Variants in NCAM1 observed in about 807,000 individuals in gnomAD.
NCAM1 encodes the protein antigen recognized by monoclonal antibody 5.1H11.
A neutral mutation model predicts 109.8 loss-of-function variants in NCAM1; 14 were observed. The observed-to-expected ratio is 0.13, with a 90% CI of 0.08 to 0.20. The LOEUF is 0.20. Ranked by LOEUF, NCAM1 falls within the 10% of genes least tolerant of loss-of-function variation. The probability of loss-of-function intolerance (pLI) is 1.00; values close to 1 mark genes in which losing one functional copy is unlikely to be tolerated. For missense variants in NCAM1, 774 were observed against 1,109.9 expected (o/e 0.70, Z 4.30); for synonymous variants, 418 against 442.9 (o/e 0.94, Z 0.70).
At chr11:113,005,854 G>T (rs1349174794) in intron 1 of NCAM1, among the ~76,000 whole-genome samples, 1 of 152,192 alleles carries the variant, frequency 6.6e-6, no homozygotes, top group Admixed American at 6.5e-5. Flanking sequence ...CTTTAAGAGT[G>T]TCATTCAACA....
chr11:113,145,413 G>A (rs955074842), intron 1 of NCAM1, among the ~76,000 whole-genome samples: 32 of 152,142 alleles, frequency 2.1e-4, no homozygotes, highest in Admixed American at 1.4e-3. Context: ...AAATGATTTA[G>A]TATTTGTTTC....
At chr11:113,046,364 C>T (rs1953266315) in intron 1 of NCAM1, among the ~76,000 whole-genome samples, 1 of 152,214 alleles carries the variant, frequency 6.6e-6, no homozygotes, top group Non-Finnish European at 1.5e-5. Context: ...AGAGCTTGAA[C>T]TCTTAACTAT....
At chr11:113,163,954 A>G (rs1942691074) in intron 1 of NCAM1, among the ~76,000 whole-genome samples, 1 of 152,172 alleles carries the variant, frequency 6.6e-6, no homozygotes, top group Admixed American at 6.5e-5. Flanking sequence ...AGACAACTGT[A>G]GGACCCTACC....
At chr11:113,073,477 G>T (rs191256840) in intron 1 of NCAM1, among the ~76,000 whole-genome samples, 1 of 152,320 alleles carries the variant, frequency 6.6e-6, no homozygotes, top group Admixed American at 6.5e-5. Flanking sequence ...GAATGTGTCT[G>T]CCTTCATACC....
rs542663840 is a variant in NCAM1 at position 113,068,854 on chromosome 11, G to T, written c.52+107190G>T. Among the ~76,000 whole-genome samples the T allele has an allele frequency of 8.5e-5, 13 of 152,170 alleles. 1 individual carries two copies. In the East Asian group the frequency reaches 2.3e-3, roughly 27 times the overall value. The stretch of plus-strand genomic sequence containing the variant: ...AAATATTATCTAGTACCCCTTAAAT[G>T]AGCATAATAGTATGTAGTCATATTG... On this transcript the variant is annotated intron_variant, in intron 1 of 19. Coordinates refer to ENST00000316851, the MANE Select transcript of NCAM1 (RefSeq NM_181351.5).
intron 14 of NCAM1, chr11:113,236,434 T>C: frequency 8.9e-7 from 1 of 1,125,746 alleles, no homozygotes; most frequent in African/African-American, 1.5e-5. Flanking sequence ...GATGATATTG[T>C]CTGGGCCCTA....
chr11:113,264,578 A>G (rs1946095274), intron 17 of NCAM1: 1 of 985,368 alleles, frequency 1.0e-6, no homozygotes, highest in Non-Finnish European at 1.2e-6. Context: ...GGCTCTTAGG[A>G]TCACCTTGGG....
At chr11:113,168,827 T>G (rs781964573) in intron 1 of NCAM1, among the ~76,000 whole-genome samples, 17 of 152,094 alleles carry the variant, frequency 1.1e-4, no homozygotes, top group East Asian at 1.9e-4. Flanking sequence ...GTTTAGCTTG[T>G]GTGGGGTTGG....
intron 1 of NCAM1, among the ~76,000 whole-genome samples, chr11:113,144,953 C>CTCATTATGTTATG (rs2136224417): frequency 6.6e-6 from 1 of 152,280 alleles, no homozygotes; most frequent in Non-Finnish European, 1.5e-5. Context: ...GGAATCAAGA[C>CTCATTATGTTATG]TCATTATGTT....
At chr11:113,234,127 C>A (rs1189438001) in intron 13 of NCAM1, among the ~76,000 whole-genome samples, 1 of 147,704 alleles carries the variant, frequency 6.8e-6, no homozygotes, top group African/African-American at 2.5e-5. Context: ...AGCCAGGGGG[C>A]CGAGAGGAGC....
chr11:113,174,737 G>T (rs782657720), intron 1 of NCAM1, among the ~76,000 whole-genome samples: 3 of 152,150 alleles, frequency 2.0e-5, no homozygotes, highest in Non-Finnish European at 4.4e-5. Flanking sequence ...GCTTCATTAG[G>T]ATTATCCCTG....
In NCAM1 at chr11:113,154,066, G is replaced by T. The variant is rs573758076; in HGVS notation, c.53-48313G>T. Among the ~76,000 whole-genome samples the T allele has an allele frequency of 1.9e-4, 29 of 152,252 alleles. No homozygotes were observed. In the Middle Eastern group the frequency reaches 0.01, roughly 54 times the overall value. ...TTTCAGCCTTGACAATTACTGTAAG[G>T]GAAAATAACAGGAAGAATTGCATAA... On this transcript the variant is annotated intron_variant, in intron 1 of 19. Coordinates refer to ENST00000316851, the MANE Select transcript of NCAM1 (RefSeq NM_181351.5).
chr11:113,103,887 A>G (rs1194534239), intron 1 of NCAM1, among the ~76,000 whole-genome samples: 1 of 152,150 alleles, frequency 6.6e-6, no homozygotes, highest in African/African-American at 2.4e-5. Context: ...TGTGATTTTC[A>G]TAAATCATGA....
At chr11:113,118,975 T>C (rs554201633) in intron 1 of NCAM1, among the ~76,000 whole-genome samples, 1 of 152,100 alleles carries the variant, frequency 6.6e-6, no homozygotes, top group African/African-American at 2.4e-5. Context: ...AAATAAGAAA[T>C]ATTTAAATTA....
At chr11:113,025,624 G>A (rs1952515054) in intron 1 of NCAM1, among the ~76,000 whole-genome samples, 1 of 151,834 alleles carries the variant, frequency 6.6e-6, no homozygotes, top group Non-Finnish European at 1.5e-5. Flanking sequence ...AACAAAGAAA[G>A]TGCCCTCTGA....
At chr11:113,004,580 G>C (rs1951846227) in intron 1 of NCAM1, among the ~76,000 whole-genome samples, 1 of 152,056 alleles carries the variant, frequency 6.6e-6, no homozygotes, top group Admixed American at 6.5e-5. Flanking sequence ...TTGTTCTCAG[G>C]CTTCCAACGT....
intron 1 of NCAM1, among the ~76,000 whole-genome samples, chr11:113,061,659 C>G (rs1937649682): frequency 6.6e-6 from 1 of 152,236 alleles, no homozygotes; most frequent in Non-Finnish European, 1.5e-5. Flanking sequence ...ACGTGGAACT[C>G]ACATCCTGTC....
chr11:113,166,126 C>T (rs893667164), intron 1 of NCAM1, among the ~76,000 whole-genome samples: 4 of 152,142 alleles, frequency 2.6e-5, no homozygotes, highest in South Asian at 2.1e-4. Flanking sequence ...CCACCGCGCC[C>T]GGGCAAAATT....
intron 8 of NCAM1, among the ~76,000 whole-genome samples, chr11:113,220,883 A>G (rs1234954742): frequency 6.6e-6 from 1 of 152,082 alleles, no homozygotes; most frequent in East Asian, 1.9e-4. Context: ...TGCTGGGATT[A>G]CAGGCATGAG....
Sources: gnomAD v4.1 joint callset for allele counts (sites outside exome capture counted in the v4.1 genomes callset) on GRCh38, gnomAD v4.1.1 for gene constraint, MANE v1.5 for transcripts, NCBI Gene and HGNC (gene_info 2026-07-23, HGNC 2026-07-21) for gene names.